Variants in SUPT3H observed in about 807,000 individuals in gnomAD.
SUPT3H encodes SPT3 homolog, SAGA and STAGA complex component, also known as transcription initiation protein SPT3 homolog.
A neutral mutation model predicts 44.3 loss-of-function variants in SUPT3H; 44 were observed. The observed-to-expected ratio is 0.99, with a 90% CI of 0.78 to 1.28. The LOEUF is 1.28. SUPT3H is among the 50% of genes most tolerant of loss of function. The probability of loss-of-function intolerance (pLI) is 0.00; values close to 1 mark genes in which losing one functional copy is unlikely to be tolerated. For missense variants in SUPT3H, 380 were observed against 387.1 expected, an observed-to-expected ratio of 0.98 and a Z score of 0.15; for synonymous variants, 124 against 125.6, an observed-to-expected ratio of 0.99 and a Z score of 0.09.
intron 3 of SUPT3H, among the ~76,000 whole-genome samples, chr6:45,077,667 G>T (rs1163382490): frequency 1.7e-4 from 12 of 69,298 alleles, no homozygotes; most frequent in African/African-American, 6.7e-4. Flanking sequence ...AAGTGTTCAT[G>T]AAACAAATCA....
intron 2 of SUPT3H, among the ~76,000 whole-genome samples, chr6:45,307,585 C>T (rs538913158): frequency 2.0e-5 from 3 of 152,288 alleles, no homozygotes; most frequent in African/African-American, 7.2e-5. Context: ...AACTAACAAA[C>T]AGAAAGGACA....
chr6:45,111,033 CTT>C (rs5875909), intron 2 of SUPT3H, among the ~76,000 whole-genome samples: 71 of 129,926 alleles, frequency 5.5e-4, no homozygotes, highest in East Asian at 1.6e-3. Context: ...ACAAACGATA[CTT>C]TTTTTTTTTT....
intron 9 of SUPT3H, among the ~76,000 whole-genome samples, chr6:44,936,405 G>A (rs977666534): frequency 6.6e-6 from 1 of 152,128 alleles, no homozygotes; most frequent in South Asian, 2.1e-4. Flanking sequence ...GCATAGATTA[G>A]AGTGGTAAAG....
intron 8 of SUPT3H, among the ~76,000 whole-genome samples, chr6:44,953,660 G>T (rs1219193962): frequency 2.0e-5 from 3 of 152,212 alleles, no homozygotes; most frequent in East Asian, 3.9e-4. Context: ...AAATTTCTGG[G>T]CTTTAAGTCC....
At chr6:45,231,994 T>C (rs1013634712) in intron 2 of SUPT3H, among the ~76,000 whole-genome samples, 1 of 152,240 alleles carries the variant, frequency 6.6e-6, no homozygotes, top group African/African-American at 2.4e-5. Flanking sequence ...TGAATTCTCA[T>C]TTTTTGTATT....
intron 10 of SUPT3H, among the ~76,000 whole-genome samples, chr6:44,848,491 AT>A (rs1376668342): frequency 3.9e-5 from 6 of 152,114 alleles, no homozygotes; most frequent in African/African-American, 1.4e-4. Flanking sequence ...TCAAAACCTT[AT>A]TTGTCAGGTT....
At chr6:44,960,646 G>A (rs943330348) in intron 7 of SUPT3H, among the ~76,000 whole-genome samples, 4 of 151,830 alleles carry the variant, frequency 2.6e-5, no homozygotes, top group Non-Finnish European at 4.4e-5. Flanking sequence ...TTATAAACTG[G>A]AGGTTGATAC....
intron 10 of SUPT3H, among the ~76,000 whole-genome samples, chr6:44,865,670 C>T (rs1775386705): frequency 2.0e-5 from 3 of 152,154 alleles, no homozygotes; most frequent in African/African-American, 7.2e-5. Flanking sequence ...CACCATGATT[C>T]AATTATCTCC....
intron 2 of SUPT3H, among the ~76,000 whole-genome samples, chr6:45,257,014 T>C (rs931717599): frequency 2.0e-5 from 3 of 152,188 alleles, no homozygotes; most frequent in Non-Finnish European, 4.4e-5. Context: ...GAACTACTAG[T>C]TTGTTTCCCA....
chr6:45,106,411 A>G (rs1324722423), intron 2 of SUPT3H, among the ~76,000 whole-genome samples: 3 of 152,190 alleles, frequency 2.0e-5, no homozygotes, highest in Admixed American at 6.5e-5. Flanking sequence ...CATCATGGGC[A>G]ATGGAGTCAG....
chr6:44,912,497 C>G (rs1467881160), intron 10 of SUPT3H, among the ~76,000 whole-genome samples: 1 of 152,106 alleles, frequency 6.6e-6, no homozygotes, highest in Non-Finnish European at 1.5e-5. Context: ...GCCTCTTATT[C>G]AGGGCACATT....
At chr6:45,182,422 T>A (rs1218409831) in intron 2 of SUPT3H, among the ~76,000 whole-genome samples, 1 of 152,084 alleles carries the variant, frequency 6.6e-6, no homozygotes, top group Non-Finnish European at 1.5e-5. Flanking sequence ...CCCCCACGCC[T>A]GGCTAATTTT....
intron 2 of SUPT3H, among the ~76,000 whole-genome samples, chr6:45,111,140 G>A (rs1799997242): frequency 6.6e-6 from 1 of 150,662 alleles, no homozygotes; most frequent in Non-Finnish European, 1.5e-5. Context: ...TCAAGCAACT[G>A]TCCTGCCTCA....
chr6:44,980,233 G>A (rs1173698335), intron 6 of SUPT3H, among the ~76,000 whole-genome samples: 2 of 147,792 alleles, frequency 1.4e-5, no homozygotes, highest in Non-Finnish European at 3.0e-5. Context: ...GGTAGGGAGT[G>A]TACCCTTTCT....
chr6:44,923,965 A>G (rs1769133686), intron 10 of SUPT3H, among the ~76,000 whole-genome samples: 1 of 152,166 alleles, frequency 6.6e-6, no homozygotes, highest in East Asian at 1.9e-4. Flanking sequence ...AAATAAATTT[A>G]ACTCTCAAAC....
intron 2 of SUPT3H, among the ~76,000 whole-genome samples, chr6:45,363,753 C>T (rs1015785696): frequency 5.3e-5 from 8 of 151,926 alleles, no homozygotes; most frequent in Non-Finnish European, 7.4e-5. Context: ...GCTCACTTCA[C>T]GCAGTTGCTA....
intron 3 of SUPT3H, among the ~76,000 whole-genome samples, chr6:45,027,910 A>T (rs1207842649): frequency 6.6e-5 from 10 of 152,006 alleles, no homozygotes; most frequent in Non-Finnish European, 1.2e-4. Flanking sequence ...TTACATTATG[A>T]TTCCTAAGCC....
chr6:45,076,556 T>C (rs1207306141), intron 3 of SUPT3H, among the ~76,000 whole-genome samples: 1 of 151,468 alleles, frequency 6.6e-6, no homozygotes, highest in Non-Finnish European at 1.5e-5. Context: ...ACAAACAGGC[T>C]CTTCCAAACT....
intron 3 of SUPT3H, among the ~76,000 whole-genome samples, chr6:45,105,710 T>C (rs1314220549): frequency 6.6e-6 from 1 of 152,178 alleles, no homozygotes; most frequent in East Asian, 1.9e-4. Context: ...GATATCATGA[T>C]TGTGTTATAA....
Sources: allele counts gnomAD v4.1 joint callset (sites outside exome capture counted in the v4.1 genomes callset), GRCh38; gene constraint gnomAD v4.1.1; transcripts MANE v1.5; gene names NCBI Gene and HGNC (gene_info 2026-07-23, HGNC 2026-07-21).